Variants in UNC5D observed in about 807,000 individuals in gnomAD.
The protein encoded by UNC5D is unc-5 netrin receptor D, also known as netrin receptor UNC5D.
Under a neutral mutation model 105.4 loss-of-function variants are expected in UNC5D, and 39 were observed. The ratio of observed to expected loss-of-function variants is 0.37; its 90% CI spans 0.29 to 0.48. UNC5D has a LOEUF of 0.48. Among genes scored for constraint, UNC5D ranks in the 20% least tolerant of loss-of-function variants. The pLI is 0.98. For missense variants in UNC5D, 991 were observed against 1,202.4 expected (o/e 0.82, Z 2.60); for synonymous variants, 452 against 450.4 (o/e 1.00, Z -0.04).
chr8:35,482,335 TA>T (rs1242195633), intron 1 of UNC5D, among the ~76,000 whole-genome samples: 4 of 152,200 alleles, frequency 2.6e-5, no homozygotes, highest in Non-Finnish European at 5.9e-5. Flanking sequence ...TTACTATTGA[TA>T]AACTTGACTA....
chr8:35,532,406 C>G (rs1423084255), intron 1 of UNC5D, among the ~76,000 whole-genome samples: 3 of 132,130 alleles, frequency 2.3e-5, no homozygotes, highest in Non-Finnish European at 4.8e-5. Flanking sequence ...GGGTTTCTGC[C>G]GAGAGATCCG....
chr8:35,306,504 G>C (rs1038792162), intron 1 of UNC5D, among the ~76,000 whole-genome samples: 5 of 152,072 alleles, frequency 3.3e-5, no homozygotes, highest in Non-Finnish European at 7.4e-5. Context: ...CAGAAAAAGA[G>C]AGTGAACAAG....
chr8:35,313,936 G>A (rs1436011420), intron 1 of UNC5D, among the ~76,000 whole-genome samples: 1 of 152,188 alleles, frequency 6.6e-6, no homozygotes, highest in Non-Finnish European at 1.5e-5. Context: ...ATGTGTTGAA[G>A]TTAAGTGCTG....
intron 1 of UNC5D, among the ~76,000 whole-genome samples, chr8:35,435,952 A>T (rs1362386667): frequency 6.6e-6 from 1 of 152,074 alleles, no homozygotes; most frequent in Non-Finnish European, 1.5e-5. Flanking sequence ...AGCATTTATC[A>T]AACTCTTAGA....
rs771466200 is a variant in UNC5D at position 35,595,617 on chromosome 8, T to A, written c.530T>A (p.Val177Glu). The change falls in exon 4 of 17, where the codon GTA (valine) becomes GAA (glutamate). Residue 177 changes from valine to glutamate, a missense_variant. Val to Glu is a moderately radical substitution (Grantham distance 121, BLOSUM62 -2). This residue lies in a region of UNC5D where 944 missense variants were observed against 1,131.6 expected (regional missense o/e 0.83). Coordinates refer to ENST00000404895, the MANE Select transcript of UNC5D (RefSeq NM_080872.4). ...GREVPIEGMIVLHCRPPEGVP... is the reference protein window; with the variant it reads ...GREVPIEGMIELHCRPPEGVP... ...GAAGTTCCCATTGAAGGCATGATTG[T>A]ACTGCACTGCCGCCCACCAGAGGGA... The A allele has an allele frequency of 3.1e-6, 5 of 1,614,122 alleles. No individual in the cohort carries two copies. Among genetic ancestry groups the A allele is most frequent in the Non-Finnish European group, 4.2e-6 (5 of 1,179,994 alleles).
At chr8:35,507,211 A>T (rs1208915203) in intron 1 of UNC5D, among the ~76,000 whole-genome samples, 1 of 149,732 alleles carries the variant, frequency 6.7e-6, no homozygotes, top group African/African-American at 2.5e-5. Flanking sequence ...GCCCGCCACT[A>T]CGCCCGGCTA....
chr8:35,422,132 T>C (rs575542860), intron 1 of UNC5D, among the ~76,000 whole-genome samples: 14 of 152,178 alleles, frequency 9.2e-5, no homozygotes, highest in Non-Finnish European at 2.1e-4. Flanking sequence ...GAGAGCCCCA[T>C]CTCACACTCT....
chr8:35,647,774 G>A (rs1823146681), intron 4 of UNC5D, among the ~76,000 whole-genome samples: 1 of 152,118 alleles, frequency 6.6e-6, no homozygotes, highest in Non-Finnish European at 1.5e-5. Flanking sequence ...ATAATTATAG[G>A]GAGTGGTTTT....
intron 1 of UNC5D, among the ~76,000 whole-genome samples, chr8:35,372,653 G>T (rs1001164518): frequency 3.9e-5 from 6 of 151,980 alleles, no homozygotes; most frequent in Non-Finnish European, 5.9e-5. Flanking sequence ...ACCCAGGCTG[G>T]AATACAGTGG....
At chr8:35,342,805 C>T (rs952430968) in intron 1 of UNC5D, among the ~76,000 whole-genome samples, 5 of 152,040 alleles carry the variant, frequency 3.3e-5, no homozygotes, top group Admixed American at 1.3e-4. Flanking sequence ...AACAATTTGG[C>T]GAACATTCCC....
chr8:35,780,387 GC>G (rs1261925566), intron 16 of UNC5D, among the ~76,000 whole-genome samples: 2 of 152,196 alleles, frequency 1.3e-5, no homozygotes, highest in African/African-American at 4.8e-5. Flanking sequence ...GCATTGAGGT[GC>G]TATCTTTTCA....
intron 16 of UNC5D, among the ~76,000 whole-genome samples, chr8:35,779,434 C>T (rs920253582): frequency 1.3e-5 from 2 of 152,138 alleles, no homozygotes; most frequent in African/African-American, 4.8e-5. Context: ...ACGATATGAA[C>T]TCTTTCACAG....
rs1338959819 is a variant in UNC5D, at chr8:35,512,489, T to C, written c.104-36803T>C. On this transcript the variant is annotated intron_variant, in intron 1 of 16. Transcript: ENST00000404895. ...CCATATATATATATATATATATATA[T>C]ATATATATATATATATATATCTGCA... Among the ~76,000 whole-genome samples, 4 of 115,760 alleles carry C rather than the reference T, an allele frequency of 3.5e-5. No individual in the cohort carries two copies. In the East Asian group the frequency reaches 7.8e-4, roughly 23 times the overall value. The allele number at this position is 115,760 out of a possible 152,430, so 75.9% of individuals were successfully genotyped here.
intron 1 of UNC5D, among the ~76,000 whole-genome samples, chr8:35,457,784 G>A (rs1332079176): frequency 1.3e-5 from 2 of 152,094 alleles, no homozygotes; most frequent in Non-Finnish European, 2.9e-5. Context: ...ATCTGCTCGA[G>A]GACACTAGAT....
At chr8:35,699,466 T>A (rs991340798) in intron 7 of UNC5D, among the ~76,000 whole-genome samples, 2 of 152,172 alleles carry the variant, frequency 1.3e-5, no homozygotes, top group African/African-American at 4.8e-5. Flanking sequence ...GAACCGTTTT[T>A]CATTTACTAA....
chr8:35,446,669 AC>A (rs1229024219), intron 1 of UNC5D, among the ~76,000 whole-genome samples: 1 of 151,944 alleles, frequency 6.6e-6, no homozygotes, highest in Non-Finnish European at 1.5e-5. Flanking sequence ...CAGTTTCCTT[AC>A]CCCCTTTTCT....
chr8:35,525,706 A>C, intron 1 of UNC5D: 1 of 1,596,136 alleles, frequency 6.3e-7, no homozygotes. Flanking sequence ...TGCTCCTGGC[A>C]CGTCCGGCAC....
In UNC5D at chr8:35,506,934, G is replaced by T. The variant is rs567429525; in HGVS notation, c.104-42358G>T. Among the ~76,000 whole-genome samples the T allele has an allele frequency of 4.0e-5, 6 of 151,370 alleles. 1 individual carries two copies. The East Asian group carries it at 1.2e-3, about 30-fold the overall frequency. ...ATGATACCGGCCATGTTGCTTTAATGATTTATTTCATAATTTTCTGGCTTT... is the reference window on the plus strand; with the variant it reads ...ATGATACCGGCCATGTTGCTTTAATTATTTATTTCATAATTTTCTGGCTTT... On this transcript the variant is annotated intron_variant, in intron 1 of 16. Transcript: ENST00000404895.
intron 1 of UNC5D, among the ~76,000 whole-genome samples, chr8:35,253,453 T>G (rs1270505173): frequency 6.6e-6 from 1 of 151,004 alleles, no homozygotes; most frequent in Non-Finnish European, 1.5e-5. Context: ...CTGTAGAGTT[T>G]GGAGTAGAGA....
Sources: allele counts gnomAD v4.1 joint callset (sites outside exome capture counted in the v4.1 genomes callset), GRCh38; gene constraint gnomAD v4.1.1; regional missense constraint gnomAD v4.1.1; transcripts MANE v1.5; gene names NCBI Gene and HGNC (gene_info 2026-07-23, HGNC 2026-07-21).